The following POFUT1 variants were observed in gnomAD, a reference collection of about 807,000 sequenced individuals.
POFUT1 encodes protein O-fucosyltransferase 1, also known as GDP-fucose protein O-fucosyltransferase 1.
Under a neutral mutation model 42.4 loss-of-function variants are expected in POFUT1, and 16 were observed. The observed-to-expected ratio is 0.38, with a 90% CI of 0.26 to 0.57. The LOEUF (loss-of-function observed/expected upper bound fraction) is 0.57. Among genes scored for constraint, POFUT1 ranks in the 20% least tolerant of loss-of-function variants. POFUT1 has a pLI of 0.71. For missense variants in POFUT1, 470 were observed against 504.6 expected (o/e 0.93, Z 0.66); for synonymous variants, 206 against 205.4 (o/e 1.00, Z -0.03).
rs1450459116 is a variant in POFUT1, at chr20:32,207,963, C to A, written c.22C>A (p.Arg8=). Residue 8 remains arginine (R), a synonymous_variant, in exon 1 of 7, where the codon CGG becomes AGG. Coordinates refer to ENST00000375749, the MANE Select transcript of POFUT1 (RefSeq NM_015352.2). MGAAAWA[R]PLSVSFLLLL... The stretch of plus-strand genomic sequence containing the variant: ...CGACATGGGCGCCGCCGCGTGGGCA[C>A]GGCCGCTGAGCGTGTCTTTCCTGCT... The A allele has an allele frequency of 1.3e-6, 2 of 1,591,040 alleles. No homozygotes were observed. Among genetic ancestry groups the A allele is most frequent in the Non-Finnish European group, 1.7e-6 (2 of 1,175,994 alleles).
intron 6 of POFUT1, among the ~76,000 whole-genome samples, chr20:32,231,664 TC>T (rs1231282878): frequency 6.6e-6 from 1 of 152,234 alleles, no homozygotes; most frequent in Non-Finnish European, 1.5e-5. Flanking sequence ...TCTCTGTGCT[TC>T]TGTTTCCTCA....
Position 32,236,569 on chromosome 20 carries a change from A to C in POFUT1, c.*1908A>C, listed in dbSNP as rs1356767285. On this transcript the variant is annotated 3_prime_UTR_variant, in exon 7 of 7. Transcript: ENST00000375749. The stretch of plus-strand genomic sequence containing the variant: ...GGCACCAGAAGTTCTAGCAAAATTC[A>C]GTTGTGTTCTGTGAGCTAGCACTTT... 1.3e-5 allele frequency: 2 copies of C among 152,124 alleles called. No homozygotes were observed. Among genetic ancestry groups the C allele is most frequent in the Non-Finnish European group, 2.9e-5 (2 of 68,018 alleles). The allele number at this position is 152,124 out of a possible 1,614,324, so 9.4% of individuals were successfully genotyped here. A position where few individuals can be genotyped will look rare whatever the true frequency, so the allele number is the denominator to read the frequency against.
chr20:32,232,444 T>C (rs1467596168), intron 6 of POFUT1, among the ~76,000 whole-genome samples: 4 of 152,004 alleles, frequency 2.6e-5, no homozygotes, highest in African/African-American at 9.7e-5. Flanking sequence ...CAAGAAAGGA[T>C]AGAGTTTACC....
At chr20:32,229,119 AG>A (rs1310599692) in intron 5 of POFUT1, among the ~76,000 whole-genome samples, 2 of 152,234 alleles carry the variant, frequency 1.3e-5, no homozygotes, top group Admixed American at 6.5e-5. Context: ...AGCCAGAGCC[AG>A]GATGTCTTAT....
At chr20:32,213,700 G>A (rs1352674403) in intron 2 of POFUT1, among the ~76,000 whole-genome samples, 1 of 152,070 alleles carries the variant, frequency 6.6e-6, no homozygotes, top group African/African-American at 2.4e-5. Context: ...GAACCTGGGA[G>A]GGGGAGGTTG....
intron 4 of POFUT1, 103 bp downstream of exon 4, chr20:32,216,824 T>A (rs867551733): frequency 2.2e-6 from 3 of 1,381,550 alleles, no homozygotes; most frequent in Middle Eastern, 3.7e-4. Context: ...CTCTGATGTA[T>A]GAGACCAAAG....
At chr20:32,217,655 G>A (rs1183328890) in intron 4 of POFUT1, 3 of 985,726 alleles carry the variant, frequency 3.0e-6, no homozygotes, top group Non-Finnish European at 2.4e-6. Flanking sequence ...GATAGCCAGC[G>A]CTGATGGTAT....
Position 32,238,053 on chromosome 20 carries a change from T to A in POFUT1, c.*3392T>A, listed in dbSNP as rs893715600. On this transcript the variant is annotated 3_prime_UTR_variant, in exon 7 of 7. Coordinates refer to ENST00000375749, the MANE Select transcript of POFUT1 (RefSeq NM_015352.2). ...TAGCCTGGATAAATGCTCTTAATTA[T>A]AAAAAATTCTGTCGAGGAGTGTTCC... 1 of 333,904 alleles carries A rather than the reference T, an allele frequency of 3.0e-6. No homozygotes were observed. Among genetic ancestry groups the A allele is most frequent in the Non-Finnish European group, 6.0e-6 (1 of 167,664 alleles). 20.7% of individuals were successfully genotyped at this position (333,904 alleles called of 1,614,324 possible). A position where few individuals can be genotyped will look rare whatever the true frequency, so the allele number is the denominator to read the frequency against.
intron 2 of POFUT1, among the ~76,000 whole-genome samples, chr20:32,210,562 G>A (rs887530166): frequency 1.3e-5 from 2 of 152,180 alleles, no homozygotes; most frequent in Admixed American, 1.3e-4. Flanking sequence ...TTCCCTGATT[G>A]GTCCTACCCT....
In POFUT1 at chr20:32,215,326, G is replaced by T; in HGVS notation, c.304G>T (p.Val102Phe). Residue 102 changes from valine (V) to phenylalanine (F), a missense_variant, in exon 3 of 7, where the codon GTC (valine) becomes TTC (phenylalanine). Transcript: ENST00000375749. ...KLEPLQAYHR[V>F]ISLEDFMEKL... is the part of the protein sequence containing the mutation. ...GGAGCCCCTCCAGGCTTACCATCGGGTCATCAGCTTGGAGGATTTCATGGA... is the reference window on the plus strand; with the variant it reads ...GGAGCCCCTCCAGGCTTACCATCGGTTCATCAGCTTGGAGGATTTCATGGA... The T allele has an allele frequency of 6.2e-7, 1 of 1,614,088 alleles. No homozygotes were observed. Among genetic ancestry groups the T allele is most frequent in the Non-Finnish European group, 8.5e-7 (1 of 1,179,994 alleles).
At chr20:32,220,070 T>C (rs142873611) in intron 4 of POFUT1, among the ~76,000 whole-genome samples, 102 of 152,374 alleles carry the variant, frequency 6.7e-4, no homozygotes, top group African/African-American at 2.4e-3. Context: ...AATATTTATC[T>C]TTTTGTGTCT....
At chr20:32,231,546 G>A (rs181270553) in intron 6 of POFUT1, among the ~76,000 whole-genome samples, 2 of 152,332 alleles carry the variant, frequency 1.3e-5, no homozygotes, top group African/African-American at 4.8e-5. Context: ...GATGTAGAGA[G>A]TGGGCTCTGG....
At chr20:32,223,754 A>T (rs2047401571) in intron 4 of POFUT1, 1 of 928,156 alleles carries the variant, frequency 1.1e-6, no homozygotes, top group Admixed American at 6.2e-5. Context: ...ACCATGTGAT[A>T]AGGTCCATGC....
At position 32,229,320 on chromosome 20, in the gene POFUT1, T is replaced by C. The variant is rs148978373; in HGVS notation, c.735+865T>C. Reference sequence around the variant, plus strand: ...AAATGCATAGGCCCTAAGTGAAATATTAACAGGTCAAAGCCAATAACATAT... The same window carrying C: ...AAATGCATAGGCCCTAAGTGAAATACTAACAGGTCAAAGCCAATAACATAT... On this transcript the variant is annotated intron_variant, in intron 5 of 6. Coordinates refer to ENST00000375749, the MANE Select transcript of POFUT1 (RefSeq NM_015352.2). Among the ~76,000 whole-genome samples the C allele has an allele frequency of 3.6e-3, 552 of 152,312 alleles. 3 individuals are homozygous for C. The highest frequency in any genetic ancestry group is 0.012 in the African/African-American group (519 of 41,560).
At chr20:32,219,919 G>A (rs1432313315) in intron 4 of POFUT1, among the ~76,000 whole-genome samples, 1 of 152,136 alleles carries the variant, frequency 6.6e-6, no homozygotes, top group East Asian at 1.9e-4. Flanking sequence ...TTTAAATTCA[G>A]GTTAAACATC....
At chr20:32,233,322 C>T (rs912549867) in intron 6 of POFUT1, among the ~76,000 whole-genome samples, 4 of 152,116 alleles carry the variant, frequency 2.6e-5, no homozygotes, top group African/African-American at 7.2e-5. Context: ...AGCCGAGATG[C>T]GAAGGAGAAC....
In POFUT1 at chr20:32,216,630, T is replaced by C. The variant is rs1254485161; in HGVS notation, c.451T>C (p.Phe151Leu). The stretch of plus-strand genomic sequence containing the variant: ...GCAGGAAGGAAACCCCTTTGGCCCA[T>C]TCTGGGATCAGTTTCATGTGAGTTT... ...PMKEGNPFGP[F>L]WDQFHVSFNK... is the part of the protein sequence containing the mutation. Residue 151 changes from phenylalanine to leucine, a missense_variant, in exon 4 of 7, where the codon TTC (phenylalanine) becomes CTC (leucine). Transcript: ENST00000375749. The C allele has an allele frequency of 1.2e-6, 2 of 1,613,194 alleles. No homozygotes were observed. Among genetic ancestry groups the C allele is most frequent in the Non-Finnish European group, 1.7e-6 (2 of 1,179,230 alleles).
At chr20:32,218,114 A>C (rs2047372144) in intron 4 of POFUT1, among the ~76,000 whole-genome samples, 1 of 152,142 alleles carries the variant, frequency 6.6e-6, no homozygotes, top group African/African-American at 2.4e-5. Flanking sequence ...TTGAACCCAG[A>C]AGTCTGAATC....
chr20:32,212,280 C>A (rs2047333407), intron 2 of POFUT1, among the ~76,000 whole-genome samples: 1 of 146,714 alleles, frequency 6.8e-6, no homozygotes. Context: ...TTTCTTTTTT[C>A]TTTTTTTTTT....
Sources: allele counts gnomAD v4.1 joint callset (sites outside exome capture counted in the v4.1 genomes callset), GRCh38; gene constraint gnomAD v4.1.1; transcripts MANE v1.5; gene names NCBI Gene and HGNC (gene_info 2026-07-23, HGNC 2026-07-21).